DLG2: variants seen among roughly 807,000 people sequenced by gnomAD.
The protein encoded by DLG2 is discs large MAGUK scaffold protein 2, also known as disks large homolog 2.
In DLG2, 45 loss-of-function variants were observed where a neutral mutation model predicts 132.5. That is an observed-to-expected ratio of 0.34 (90% CI 0.27 to 0.44). DLG2 has a LOEUF of 0.44. DLG2 is among the 20% of genes least tolerant of loss of function. DLG2 has a pLI of 1.00. For missense variants in DLG2, 1,045 were observed against 1,196.9 expected (o/e 0.87, Z 1.87); for synonymous variants, 424 against 419.6 (o/e 1.01, Z -0.13).
At chr11:84,220,780 C>CTTTTTTTTTTTTTTTTTTTTTTT (rs5793114) in intron 8 of DLG2, among the ~76,000 whole-genome samples, 12 of 77,542 alleles carry the variant, frequency 1.5e-4, no homozygotes, top group Non-Finnish European at 1.9e-4. Flanking sequence ...TTTTTCTTTT[C>CTTTTTTTTTTTTTTTTTTTTTTT]TTTTTTTTTT....
At chr11:84,578,009 G>A (rs2099506746) in intron 6 of DLG2, among the ~76,000 whole-genome samples, 2 of 152,194 alleles carry the variant, frequency 1.3e-5, no homozygotes, top group South Asian at 4.1e-4. Context: ...ACAGGCTGTG[G>A]CTTCAGAGGG....
chr11:85,524,968 A>T (rs930220380), intron 3 of DLG2: 1 of 152,186 alleles, frequency 6.6e-6, no homozygotes, highest in Non-Finnish European at 1.5e-5. Flanking sequence ...GAATACTGGC[A>T]TACATTTGAC....
At chr11:84,192,565 A>C (rs1472581719) in intron 8 of DLG2, among the ~76,000 whole-genome samples, 1 of 151,840 alleles carries the variant, frequency 6.6e-6, no homozygotes, top group Non-Finnish European at 1.5e-5. Context: ...CCTGTCTCTA[A>C]TAAAAATACA....
chr11:85,185,258 T>G (rs781022504), intron 4 of DLG2, among the ~76,000 whole-genome samples: 4 of 152,026 alleles, frequency 2.6e-5, no homozygotes, highest in Non-Finnish European at 5.9e-5. Flanking sequence ...ACAAAATGTC[T>G]ATTCTATCTG....
chr11:85,446,445 A>C (rs921757044), intron 3 of DLG2, among the ~76,000 whole-genome samples: 2 of 152,232 alleles, frequency 1.3e-5, no homozygotes, highest in Admixed American at 6.5e-5. Flanking sequence ...CAATTCTTGT[A>C]ATAAGATAAC....
chr11:84,200,016 A>G (rs1033672030), intron 8 of DLG2, among the ~76,000 whole-genome samples: 4 of 152,082 alleles, frequency 2.6e-5, no homozygotes, highest in Non-Finnish European at 5.9e-5. Flanking sequence ...ATAAATTTTA[A>G]AAAAGAAAGA....
At chr11:83,564,744 T>G (rs2096672868) in intron 19 of DLG2, among the ~76,000 whole-genome samples, 1 of 152,218 alleles carries the variant, frequency 6.6e-6, no homozygotes, top group Admixed American at 6.5e-5. Flanking sequence ...ATAAAACCAT[T>G]CCATCTCTCA....
At chr11:84,101,970 ATGAAG>A (rs2092564039) in intron 9 of DLG2, among the ~76,000 whole-genome samples, 1 of 152,176 alleles carries the variant, frequency 6.6e-6, no homozygotes, top group African/African-American at 2.4e-5. Flanking sequence ...CCCAGGAACA[ATGAAG>A]TGAACTGCAG....
At chr11:84,297,547 A>C (rs892747564) in intron 7 of DLG2, among the ~76,000 whole-genome samples, 4 of 152,106 alleles carry the variant, frequency 2.6e-5, no homozygotes, top group African/African-American at 9.7e-5. Flanking sequence ...CTGCTACCTG[A>C]GTCCAGCCAT....
At chr11:84,369,897 T>C (rs1410187672) in intron 7 of DLG2, among the ~76,000 whole-genome samples, 2 of 152,182 alleles carry the variant, frequency 1.3e-5, no homozygotes, top group Non-Finnish European at 2.9e-5. Context: ...GTAAACTTTA[T>C]CCCTTCACCT....
intron 2 of DLG2, among the ~76,000 whole-genome samples, chr11:85,612,179 A>G (rs1439557696): frequency 6.6e-6 from 1 of 152,256 alleles, no homozygotes; most frequent in Non-Finnish European, 1.5e-5. Context: ...ATATCACTCC[A>G]ATACCACCTT....
chr11:84,624,951 G>A (rs1402084827), intron 6 of DLG2, among the ~76,000 whole-genome samples: 2 of 137,392 alleles, frequency 1.5e-5, no homozygotes, highest in Admixed American at 1.5e-4. Flanking sequence ...TCCGCCTCCC[G>A]GGTTCACGCC....
intron 6 of DLG2, among the ~76,000 whole-genome samples, chr11:85,034,427 C>A (rs1256047026): frequency 6.6e-6 from 1 of 152,122 alleles, no homozygotes; most frequent in African/African-American, 2.4e-5. Flanking sequence ...AAAGCAAAAT[C>A]TTCTACAGTT....
chr11:85,052,421 G>T (rs1430149002), intron 6 of DLG2, among the ~76,000 whole-genome samples: 1 of 152,120 alleles, frequency 6.6e-6, no homozygotes, highest in Non-Finnish European at 1.5e-5. Flanking sequence ...AGAATTTCAG[G>T]AGAGAATAGA....
chr11:84,622,972 C>T (rs1347069564), intron 6 of DLG2, among the ~76,000 whole-genome samples: 2 of 152,096 alleles, frequency 1.3e-5, no homozygotes, highest in Non-Finnish European at 2.9e-5. Flanking sequence ...ACATCAACTT[C>T]CTCCTTTTTA....
chr11:83,715,937 A>T (rs1184764561), intron 18 of DLG2, among the ~76,000 whole-genome samples: 1 of 152,164 alleles, frequency 6.6e-6, no homozygotes, highest in Non-Finnish European at 1.5e-5. Flanking sequence ...ATTAGGCTGA[A>T]TTAAGCATTC....
At chr11:84,324,357 T>C (rs1339716407) in intron 7 of DLG2, among the ~76,000 whole-genome samples, 1 of 152,122 alleles carries the variant, frequency 6.6e-6, no homozygotes, top group Admixed American at 6.5e-5. Flanking sequence ...GATCATTTGA[T>C]TTTTATCTGT....
intron 7 of DLG2, among the ~76,000 whole-genome samples, chr11:84,319,911 C>T (rs1435220152): frequency 1.3e-5 from 2 of 152,274 alleles, no homozygotes; most frequent in Admixed American, 6.5e-5. Context: ...CTTTCCCTCC[C>T]CACAAACAAG....
chr11:85,221,629 AG>A (rs1565178186), intron 4 of DLG2, among the ~76,000 whole-genome samples: 1 of 152,244 alleles, frequency 6.6e-6, no homozygotes, highest in Admixed American at 6.5e-5. Context: ...ACTATTTTTA[AG>A]AGAACAGTGT....
Sources: allele counts gnomAD v4.1 joint callset (sites outside exome capture counted in the v4.1 genomes callset), GRCh38; gene constraint gnomAD v4.1.1; transcripts MANE v1.5; gene names NCBI Gene and HGNC (gene_info 2026-07-23, HGNC 2026-07-21).